The following ZNF236 variants were observed in gnomAD, a reference collection of about 807,000 sequenced individuals.
The protein encoded by ZNF236 is regulated by glucose.
Under a neutral mutation model 191.2 loss-of-function variants are expected in ZNF236, and 50 were observed. The ratio of observed to expected loss-of-function variants is 0.26; its 90% CI spans 0.21 to 0.33. The LOEUF (loss-of-function observed/expected upper bound fraction) is 0.33, where lower values mean the gene tolerates loss of function less well. Ranked by LOEUF, ZNF236 falls within the 10% of genes least tolerant of loss-of-function variation. The probability of loss-of-function intolerance (pLI) is 1.00; values close to 1 mark genes in which losing one functional copy is unlikely to be tolerated. For synonymous variants in ZNF236, 907 were observed against 928.8 expected (o/e 0.98, Z 0.43); for missense variants, 1,754 against 2,374.5 (o/e 0.74, Z 5.43).
chr18:76,930,762 C>T (rs1967824281), intron 25 of ZNF236, among the ~76,000 whole-genome samples: 2 of 152,126 alleles, frequency 1.3e-5, no homozygotes, highest in African/African-American at 4.8e-5. Context: ...TGGCAGTGCA[C>T]TATATTTGGA....
rs542344836 is a variant in ZNF236, at chr18:76,853,075, C to T, written c.363+1136C>T. ...ATTGTGAAAGCTGACTTCACACTTT[C>T]TGTTTTTTGTTTTTTTTTTTGAGAT... On this transcript the variant is annotated intron_variant, in intron 3 of 30. Coordinates refer to ENST00000320610, the MANE Select transcript of ZNF236 (RefSeq NM_001306089.2). Among the ~76,000 whole-genome samples the T allele has an allele frequency of 4.6e-5, 7 of 151,400 alleles. No homozygotes were observed. In the East Asian group the frequency reaches 1.4e-3, roughly 29 times the overall value.
intron 26 of ZNF236, among the ~76,000 whole-genome samples, chr18:76,943,744 C>T (rs989632049): frequency 6.6e-6 from 1 of 152,206 alleles, no homozygotes; most frequent in African/African-American, 2.4e-5. Flanking sequence ...CACTGAGAGT[C>T]ATCTGGCCCA....
At chr18:76,963,098 A>G (rs1000980394) in intron 30 of ZNF236, among the ~76,000 whole-genome samples, 4 of 152,272 alleles carry the variant, frequency 2.6e-5, no homozygotes, top group South Asian at 2.1e-4. Context: ...TCTGGCTAGG[A>G]CTGCCACTGC....
rs1478815960 is a variant in ZNF236, at chr18:76,968,612, T to TA, written c.*273_*274insA. The TA allele has an allele frequency of 8.4e-7, 1 of 1,190,706 alleles. No individual in the cohort carries two copies. The highest frequency in any genetic ancestry group is 1.0e-6 in the Non-Finnish European group (1 of 961,332). The allele number at this position is 1,190,706 out of a possible 1,614,324, so 73.8% of individuals were successfully genotyped here. A position where few individuals can be genotyped will look rare whatever the true frequency, so the allele number is the denominator to read the frequency against. On this transcript the variant is annotated 3_prime_UTR_variant, in exon 31 of 31. Coordinates refer to ENST00000320610, the MANE Select transcript of ZNF236 (RefSeq NM_001306089.2). ...TCCTCAGTCTCCTCCGTGGCTAGTG[T>TA]GTCTAGTTCACGAAGCAATTAACTG...
intron 1 of ZNF236, among the ~76,000 whole-genome samples, chr18:76,832,857 A>G (rs568478914): frequency 2.6e-5 from 4 of 152,216 alleles, no homozygotes; most frequent in South Asian, 2.1e-4. Context: ...GAATCTAAAC[A>G]TGATCTCTCC....
chr18:76,883,318 T>A (rs574049969), intron 9 of ZNF236, among the ~76,000 whole-genome samples: 1 of 151,586 alleles, frequency 6.6e-6, no homozygotes, highest in Admixed American at 6.6e-5. Flanking sequence ...TCTAATAATT[T>A]CCCATTACAT....
chr18:76,833,427 A>G (rs1260516998), intron 1 of ZNF236, among the ~76,000 whole-genome samples: 4 of 152,016 alleles, frequency 2.6e-5, no homozygotes, highest in Non-Finnish European at 5.9e-5. Flanking sequence ...GAATTTTATC[A>G]TGTTTACTTT....
At chr18:76,861,422 G>A (rs1022857626) in intron 3 of ZNF236, among the ~76,000 whole-genome samples, 1 of 152,164 alleles carries the variant, frequency 6.6e-6, no homozygotes, top group Non-Finnish European at 1.5e-5. Flanking sequence ...TGGGTAGAAC[G>A]TAGTCATCAG....
chr18:76,913,088 CCT>C (rs1967261850), intron 17 of ZNF236, among the ~76,000 whole-genome samples: 2 of 152,036 alleles, frequency 1.3e-5, no homozygotes, highest in South Asian at 2.1e-4. Context: ...ACGTCACTAA[CCT>C]CTTGCTGGAG....
At chr18:76,941,333 C>T (rs1968128518) in intron 26 of ZNF236, among the ~76,000 whole-genome samples, 1 of 152,222 alleles carries the variant, frequency 6.6e-6, no homozygotes, top group Non-Finnish European at 1.5e-5. Flanking sequence ...GTCACTTTCT[C>T]ATTTAGGATG....
Position 76,919,771 on chromosome 18 carries a change from T to G in ZNF236, c.3275-5T>G. On this transcript the variant is annotated splice_region_variant and splice_polypyrimidine_tract_variant and intron_variant, in intron 19 of 30. Transcript: ENST00000320610. This position sits in a 1 kb window ranked among gnomAD's most constrained non-coding sequence, Gnocchi z 5.3. Reference sequence around the variant, plus strand: ...TTTTGATCCCTTTTCCTTGATTTTGTGTAGACATTTGTATGGAGGAAGAGG... The same window carrying G: ...TTTTGATCCCTTTTCCTTGATTTTGGGTAGACATTTGTATGGAGGAAGAGG... 1 of 1,610,620 alleles carries G rather than the reference T, an allele frequency of 6.2e-7. No homozygotes were observed. The highest frequency in any genetic ancestry group is 8.5e-7 in the Non-Finnish European group (1 of 1,176,946).
Position 76,877,966 on chromosome 18 carries a change from A to C in ZNF236, c.841-43A>C, listed in dbSNP as rs9952782. ...CATAATTTAGATGTTTAAATTTAAC[A>C]ATTAATTGTAAAACATCATTTTTTT... On this transcript the variant is annotated intron_variant, in intron 6 of 30. Coordinates refer to ENST00000320610, the MANE Select transcript of ZNF236 (RefSeq NM_001306089.2). 7,763 of 1,445,520 alleles carry C rather than the reference A, an allele frequency of 5.4e-3. 240 individuals carry two copies. In the African/African-American group the frequency reaches 0.082, roughly 15 times the overall value. The allele number at this position is 1,445,520 out of a possible 1,614,324, so 89.5% of individuals were successfully genotyped here.
chr18:76,956,971 G>T (rs537550735), intron 28 of ZNF236, among the ~76,000 whole-genome samples: 1 of 152,322 alleles, frequency 6.6e-6, no homozygotes, highest in South Asian at 2.1e-4. Context: ...GGATGAAAGT[G>T]GCACTTTTCC....
intron 22 of ZNF236, 69 bp from the exon 23 acceptor site, chr18:76,926,968 A>C: frequency 2.6e-6 from 4 of 1,536,284 alleles, no homozygotes; most frequent in Non-Finnish European, 2.6e-6. Context: ...CCTATGTAAA[A>C]AATGAATTAC....
At position 76,968,352 on chromosome 18, in the gene ZNF236, G is replaced by A. The variant is rs764289993; in HGVS notation, c.*13G>A. 27 of 1,602,656 alleles carry A rather than the reference G, an allele frequency of 1.7e-5. No individual in the cohort carries two copies. Among genetic ancestry groups the A allele is most frequent in the East Asian group, 4.5e-5 (2 of 44,698 alleles). Reference sequence around the variant, plus strand: ...CCACGTCTTCTGATGCGAGTTGGAAGTACACCTTTAAGAATGTTTCTGAAG... The same window carrying A: ...CCACGTCTTCTGATGCGAGTTGGAAATACACCTTTAAGAATGTTTCTGAAG... On this transcript the variant is annotated 3_prime_UTR_variant, in exon 31 of 31. Coordinates refer to ENST00000320610, the MANE Select transcript of ZNF236 (RefSeq NM_001306089.2).
intron 1 of ZNF236, among the ~76,000 whole-genome samples, chr18:76,842,097 T>C (rs2122462420): frequency 6.6e-6 from 1 of 152,334 alleles, no homozygotes; most frequent in Non-Finnish European, 1.5e-5. Flanking sequence ...AAATTATTAC[T>C]AGCTATGCCA....
intron 30 of ZNF236, among the ~76,000 whole-genome samples, chr18:76,962,134 C>T (rs968030629): frequency 3.3e-5 from 5 of 152,000 alleles, no homozygotes; most frequent in Non-Finnish European, 2.9e-5. Flanking sequence ...TGGTCCTCGC[C>T]GAAGCCAATG....
intron 11 of ZNF236, 130 bp downstream of exon 11, chr18:76,899,352 T>C (rs1308703124): frequency 2.6e-6 from 2 of 782,072 alleles, no homozygotes; most frequent in Non-Finnish European, 3.9e-6. Flanking sequence ...ATGAAGTCTG[T>C]GTTAAGCCTT....
At chr18:76,947,767 G>A in intron 27 of ZNF236, 115 bp downstream of exon 27, 2 of 1,288,946 alleles carry the variant, frequency 1.6e-6, no homozygotes, top group Non-Finnish European at 1.0e-6. Flanking sequence ...GGCTGGGGCT[G>A]ACTTCTGAGG....
Sources: allele counts gnomAD v4.1 joint callset (sites outside exome capture counted in the v4.1 genomes callset), GRCh38; gene constraint gnomAD v4.1.1; non-coding constraint Gnocchi (gnomAD v3.1); transcripts MANE v1.5; gene names NCBI Gene and HGNC (gene_info 2026-07-23, HGNC 2026-07-21).